The following ENOX1 variants were observed in gnomAD, a reference collection of about 807,000 sequenced individuals.
ENOX1 encodes the protein candidate growth-related and time keeping constitutive hydroquinone (NADH) oxidase.
Under a neutral mutation model 82.5 loss-of-function variants are expected in ENOX1, and 42 were observed. That is an observed-to-expected ratio of 0.51 (90% CI 0.40 to 0.66). The LOEUF (loss-of-function observed/expected upper bound fraction) is 0.66. Among genes scored for constraint, ENOX1 ranks in the 30% least tolerant of loss-of-function variants. The pLI, the probability that ENOX1 is intolerant of heterozygous loss-of-function variation, is 0.00. For missense variants in ENOX1, 608 were observed against 811.6 expected, an observed-to-expected ratio of 0.75 and a Z score of 3.05; for synonymous variants, 271 against 282.2, an observed-to-expected ratio of 0.96 and a Z score of 0.40.
intron 3 of ENOX1, among the ~76,000 whole-genome samples, chr13:43,480,761 C>A (rs901311482): frequency 6.6e-6 from 1 of 152,054 alleles, no homozygotes; most frequent in African/African-American, 2.4e-5. Context: ...GAAACAGATA[C>A]ATTTCTAGAA....
chr13:43,775,232 T>G (rs1441333156), intron 1 of ENOX1, among the ~76,000 whole-genome samples: 1 of 152,006 alleles, frequency 6.6e-6, no homozygotes, highest in African/African-American at 2.4e-5. Flanking sequence ...CACTATAATC[T>G]CAAACTCCTC....
chr13:43,370,857 A>G (rs929221733), intron 5 of ENOX1, among the ~76,000 whole-genome samples: 5 of 152,026 alleles, frequency 3.3e-5, no homozygotes, highest in Non-Finnish European at 4.4e-5. Flanking sequence ...AGTACTGCAA[A>G]GGACTCTTTT....
chr13:43,620,019 A>C (rs1044636177), intron 2 of ENOX1, among the ~76,000 whole-genome samples: 1 of 151,812 alleles, frequency 6.6e-6, no homozygotes, highest in Non-Finnish European at 1.5e-5. Context: ...CATCTCTTCT[A>C]ATTTTCTAGT....
At chr13:43,394,441 G>A (rs1388537171) in intron 5 of ENOX1, 1 of 152,182 alleles carries the variant, frequency 6.6e-6, no homozygotes, top group African/African-American at 2.4e-5. Flanking sequence ...ACACTGTTCT[G>A]TAGAACTAAA....
chr13:43,366,284 T>C (rs2050841625), intron 5 of ENOX1, among the ~76,000 whole-genome samples: 1 of 150,194 alleles, frequency 6.7e-6, no homozygotes. Context: ...CTGACCAGCT[T>C]TTTTTTTTTG....
chr13:43,695,027 G>C (rs906997992), intron 1 of ENOX1, among the ~76,000 whole-genome samples: 2 of 152,138 alleles, frequency 1.3e-5, no homozygotes, highest in Non-Finnish European at 2.9e-5. Context: ...ACAGTGAGAA[G>C]AGCACAAGCA....
intron 3 of ENOX1, among the ~76,000 whole-genome samples, chr13:43,420,679 A>AAT (rs1566178148): frequency 9.8e-5 from 15 of 152,328 alleles, no homozygotes; most frequent in African/African-American, 3.6e-4. Flanking sequence ...TGACTTAAGC[A>AAT]GAATTTCAGG....
chr13:43,701,713 A>C (rs528119351), intron 1 of ENOX1, among the ~76,000 whole-genome samples: 1 of 152,322 alleles, frequency 6.6e-6, no homozygotes, highest in Non-Finnish European at 1.5e-5. Context: ...TGGGGATTTT[A>C]GACTGAAGGA....
rs1485855328 is a variant in ENOX1, at chr13:43,412,899, C to T, written c.16G>A (p.Gly6Arg). 16 of 1,613,962 alleles carry T rather than the reference C, an allele frequency of 9.9e-6. No homozygotes were observed. Among genetic ancestry groups the T allele is most frequent in the African/African-American group, 2.7e-5 (2 of 74,894 alleles). The change falls in exon 4 of 17, where the codon GGA becomes AGA. Residue 6 changes from glycine to arginine, a missense_variant. Coordinates refer to ENST00000690772, the MANE Select transcript of ENOX1 (RefSeq NM_001347969.2). ...GGAAGCTGGGTGATGTTCTCAACTCCACCTGCATCTACCATTGAATTATGA... is the reference window on the plus strand; with the variant it reads ...GGAAGCTGGGTGATGTTCTCAACTCTACCTGCATCTACCATTGAATTATGA... MVDAG[G>R]VENITQLPQE...
rs117100822 is a variant in ENOX1 at position 43,526,210 on chromosome 13, G to A, written c.-218-42058C>T. ...TAATTAAAAGCACATAATGTTGCCT[G>A]ATTATGAGTAAAATGTCCCAGCTCA... On this transcript the variant is annotated intron_variant, in intron 2 of 16. Coordinates refer to ENST00000690772, the MANE Select transcript of ENOX1 (RefSeq NM_001347969.2). 6.7e-3 allele frequency among the ~76,000 whole-genome samples: 1,015 copies of A among 152,272 alleles called. 5 individuals carry two copies. Among genetic ancestry groups the A allele is most frequent in the Admixed American group, 0.012 (183 of 15,282 alleles).
chr13:43,638,932 T>C (rs2083514789), intron 2 of ENOX1, among the ~76,000 whole-genome samples: 1 of 152,232 alleles, frequency 6.6e-6, no homozygotes, highest in African/African-American at 2.4e-5. Flanking sequence ...TTTCCTTTCT[T>C]CTAGGAATAT....
At position 43,359,980 on chromosome 13, in the gene ENOX1, T is replaced by C. The variant is rs772173727; in HGVS notation, c.460A>G (p.Thr154Ala). ...AAGACTTCTTGAATAATTTCCTCAG[T>C]AGCATTTTCTGGTAATCCTCCGACA... ...VFVGGLPENA[T>A]EEIIQEVFEQ... Residue 154 changes from threonine (T) to alanine (A), a missense_variant, in exon 7 of 17, where the codon ACT (threonine) becomes GCT (alanine). Physicochemically the swap from Thr to Ala is moderately conservative, Grantham distance 58. Transcript: ENST00000690772. 5.0e-6 allele frequency: 8 copies of C among 1,614,228 alleles called. No individual in the cohort carries two copies. In the Admixed American group the frequency reaches 1.2e-4, roughly 24 times the overall value.
intron 9 of ENOX1, among the ~76,000 whole-genome samples, chr13:43,334,342 T>A (rs1224097442): frequency 6.6e-6 from 1 of 152,234 alleles, no homozygotes; most frequent in Admixed American, 6.5e-5. Context: ...CAACTTCAAA[T>A]CATGTATTTA....
chr13:43,767,311 G>A (rs373450160), intron 1 of ENOX1, among the ~76,000 whole-genome samples: 6 of 151,008 alleles, frequency 4.0e-5, no homozygotes, highest in African/African-American at 1.4e-4. Flanking sequence ...GGGCACTGAA[G>A]GCCATTCAAG....
At chr13:43,363,918 T>C (rs929107013) in intron 5 of ENOX1, among the ~76,000 whole-genome samples, 2 of 152,172 alleles carry the variant, frequency 1.3e-5, no homozygotes, top group Non-Finnish European at 2.9e-5. Context: ...TTCTGAGACA[T>C]CAGTATGAGG....
At chr13:43,514,287 A>G (rs1330848421) in intron 2 of ENOX1, among the ~76,000 whole-genome samples, 1 of 152,204 alleles carries the variant, frequency 6.6e-6, no homozygotes, top group Non-Finnish European at 1.5e-5. Flanking sequence ...GTAAGTCCCT[A>G]TGGGTAGCTG....
chr13:43,681,830 T>C (rs540125256), intron 1 of ENOX1, among the ~76,000 whole-genome samples: 4 of 152,102 alleles, frequency 2.6e-5, no homozygotes, highest in Admixed American at 6.6e-5. Flanking sequence ...TCTTCTAATA[T>C]ACAGACTTCA....
At chr13:43,635,078 A>C (rs529519386) in intron 2 of ENOX1, among the ~76,000 whole-genome samples, 47 of 152,302 alleles carry the variant, frequency 3.1e-4, no homozygotes, top group Non-Finnish European at 6.8e-4. Context: ...GAGAGAAAGG[A>C]ATGAAGGAAA....
chr13:43,741,951 G>T (rs1949762675), intron 1 of ENOX1, among the ~76,000 whole-genome samples: 1 of 152,074 alleles, frequency 6.6e-6, no homozygotes, highest in Non-Finnish European at 1.5e-5. Flanking sequence ...TCATTCTTTT[G>T]CATGTAGAGA....
Sources: gnomAD v4.1 joint callset for allele counts (sites outside exome capture counted in the v4.1 genomes callset) on GRCh38, gnomAD v4.1.1 for gene constraint, MANE v1.5 for transcripts, NCBI Gene and HGNC (gene_info 2026-07-23, HGNC 2026-07-21) for gene names.